ACVR1C: variants seen among roughly 807,000 people sequenced by gnomAD.
ACVR1C encodes activin receptor type-1C.
ACVR1C carries 23 observed loss-of-function variants against 57.9 expected under a neutral mutation model. The observed-to-expected ratio is 0.40, with a 90% confidence interval of 0.29 to 0.56. The LOEUF is 0.56. Ranked by LOEUF, ACVR1C falls within the 20% of genes least tolerant of loss-of-function variation. The pLI is 0.50. For synonymous variants in ACVR1C, 214 were observed against 215.3 expected, an observed-to-expected ratio of 0.99 and a Z score of 0.05; for missense variants, 480 against 607.9, an observed-to-expected ratio of 0.79 and a Z score of 2.21.
chr2:157,619,821 A>G lies in ACVR1C; in HGVS notation c.73+8751T>C, dbSNP rs563143618. On this transcript the variant is annotated intron_variant, in intron 1 of 8. Transcript: ENST00000243349. ...AAAGCTATTTATTTGCAAGAAGTCA[A>G]TAAAATTGATAAACCTCCGGCTAGA... is the stretch of plus-strand genomic sequence containing the variant. 5.9e-5 allele frequency among the ~76,000 whole-genome samples: 9 copies of G among 152,196 alleles called. No individual in the cohort carries two copies. The South Asian group carries it at 1.7e-3, about 28-fold the overall frequency.
rs1687250307 is a variant in ACVR1C at position 157,527,290 on chromosome 2, T to C, written c.*6628A>G. 1 of 152,224 alleles carries C rather than the reference T, an allele frequency of 6.6e-6. No homozygotes were observed. Among genetic ancestry groups the C allele is most frequent in the South Asian group, 2.1e-4 (1 of 4,824 alleles). 9.4% of individuals were successfully genotyped at this position (152,224 alleles called of 1,614,324 possible). On this transcript the variant is annotated 3_prime_UTR_variant, in exon 9 of 9. Coordinates refer to ENST00000243349, the MANE Select transcript of ACVR1C (RefSeq NM_145259.3). Reference sequence around the variant, plus strand: ...TATTTTTTCATATTCCTTCCTTATATACATTCCTTTGGGCCTGTCGGCTGA... The same window carrying C: ...TATTTTTTCATATTCCTTCCTTATACACATTCCTTTGGGCCTGTCGGCTGA...
intron 2 of ACVR1C, among the ~76,000 whole-genome samples, chr2:157,560,197 G>A (rs1380471009): frequency 6.6e-6 from 1 of 152,088 alleles, no homozygotes; most frequent in Admixed American, 6.5e-5. Flanking sequence ...CTTGCTTTAA[G>A]GAGAGCCTCA....
intron 2 of ACVR1C, among the ~76,000 whole-genome samples, chr2:157,580,032 ACCCCCTCTCTTCCC>A (rs1688749715): frequency 6.8e-6 from 1 of 147,952 alleles, no homozygotes; most frequent in Non-Finnish European, 1.5e-5. Flanking sequence ...TCTCTCACGC[ACCCCCTCTCTTCCC>A]CAACCCCCGT....
chr2:157,543,998 A>C (rs1049304016), intron 5 of ACVR1C, among the ~76,000 whole-genome samples: 3 of 149,390 alleles, frequency 2.0e-5, no homozygotes, highest in Non-Finnish European at 4.5e-5. Flanking sequence ...TCATGACAAT[A>C]CCTTTAGCTT....
In ACVR1C at chr2:157,542,743, T is replaced by C. The variant is rs35500979; in HGVS notation, c.1063A>G (p.Ile355Val). The C allele has an allele frequency of 1.3e-4, 204 of 1,613,926 alleles. No homozygotes were observed. The Middle Eastern group carries it at 4.6e-3, about 37-fold the overall frequency. ...ACTTTAGGATTCTGAGGTATGTCGA[T>C]AGTGTTCAGTATTGAATCATGCTTC... ...AVKHDSILNTIDIPQNPKVGT... is the reference protein window; with the variant it reads ...AVKHDSILNTVDIPQNPKVGT... Residue 355 changes from isoleucine (I) to valine (V), a missense_variant, in exon 6 of 9, where the codon ATC becomes GTC. By Grantham distance (29) the Ile-to-Val change is conservative. Coordinates refer to ENST00000243349, the MANE Select transcript of ACVR1C (RefSeq NM_145259.3).
chr2:157,610,483 A>G (rs1682507847), intron 1 of ACVR1C, among the ~76,000 whole-genome samples: 1 of 151,966 alleles, frequency 6.6e-6, no homozygotes, highest in Non-Finnish European at 1.5e-5. Flanking sequence ...TTTATCTTTG[A>G]TTTTACACAG....
chr2:157,560,657 G>C (rs1688212310), intron 2 of ACVR1C, among the ~76,000 whole-genome samples: 1 of 152,154 alleles, frequency 6.6e-6, no homozygotes, highest in Non-Finnish European at 1.5e-5. Flanking sequence ...TTTTTCATAG[G>C]AGGACCTGAC....
intron 2 of ACVR1C, 40 bp downstream of exon 2, chr2:157,587,146 AG>A: frequency 6.7e-7 from 1 of 1,499,980 alleles, no homozygotes; most frequent in Non-Finnish European, 9.3e-7. Context: ...GTTTCCCAAG[AG>A]TAAAATTAAA....
chr2:157,583,655 T>C (rs1259942020), intron 2 of ACVR1C, among the ~76,000 whole-genome samples: 2 of 152,186 alleles, frequency 1.3e-5, no homozygotes, highest in Non-Finnish European at 2.9e-5. Context: ...AGTTTGACGA[T>C]AGTATAAGGC....
At position 157,532,654 on chromosome 2, in the gene ACVR1C, T is replaced by C. The variant is rs1687384237; in HGVS notation, c.*1264A>G. 1 of 152,146 alleles carries C rather than the reference T, an allele frequency of 6.6e-6. No homozygotes were observed. Among genetic ancestry groups the C allele is most frequent in the Non-Finnish European group, 1.5e-5 (1 of 68,016 alleles). 9.4% of individuals were successfully genotyped at this position (152,146 alleles called of 1,614,324 possible). A position where few individuals can be genotyped will look rare whatever the true frequency, so the allele number is the denominator to read the frequency against. Reference sequence around the variant, plus strand: ...TTCATTACTCTGTGTCCACAGAAAGTAGAATGAAGGCAAAACTATCATGAG... The same window carrying C: ...TTCATTACTCTGTGTCCACAGAAAGCAGAATGAAGGCAAAACTATCATGAG... On this transcript the variant is annotated 3_prime_UTR_variant, in exon 9 of 9. Coordinates refer to ENST00000243349, the MANE Select transcript of ACVR1C (RefSeq NM_145259.3).
At chr2:157,610,578 C>T (rs1682509494) in intron 1 of ACVR1C, among the ~76,000 whole-genome samples, 1 of 152,126 alleles carries the variant, frequency 6.6e-6, no homozygotes, top group Non-Finnish European at 1.5e-5. Flanking sequence ...ATGTCTAAAT[C>T]TCTTGCTAGA....
chr2:157,591,939 A>G (rs985397275), intron 1 of ACVR1C, among the ~76,000 whole-genome samples: 6 of 152,118 alleles, frequency 3.9e-5, no homozygotes, highest in Non-Finnish European at 5.9e-5. Context: ...CTAAGGTGCC[A>G]TAAAGAAATG....
chr2:157,554,217 A>AAGAAAGAAAGAAAGAAAGAG (rs1558974869), intron 3 of ACVR1C, among the ~76,000 whole-genome samples: 9 of 104,434 alleles, frequency 8.6e-5, no homozygotes, highest in African/African-American at 1.4e-4. Context: ...GAAAGAAAGA[A>AAGAAAGAAAGAAAGAAAGAG]AGAAAGAAAG....
chr2:157,565,425 A>G (rs1397690601), intron 2 of ACVR1C, among the ~76,000 whole-genome samples: 2 of 152,132 alleles, frequency 1.3e-5, no homozygotes, highest in Non-Finnish European at 2.9e-5. Context: ...TTTCACCAAG[A>G]ATCATCCAAT....
chr2:157,542,596 G>T, intron 6 of ACVR1C, 110 bp downstream of exon 6: 1 of 1,248,026 alleles, frequency 8.0e-7, no homozygotes, highest in Non-Finnish European at 1.1e-6. Flanking sequence ...TGGATTTCTT[G>T]GGCCCAGTGG....
At chr2:157,565,467 T>C (rs1051735144) in intron 2 of ACVR1C, among the ~76,000 whole-genome samples, 6 of 152,140 alleles carry the variant, frequency 3.9e-5, no homozygotes, top group Admixed American at 1.3e-4. Flanking sequence ...CCCTCCAACA[T>C]GCTCCATTTG....
chr2:157,557,906 AAAG>A (rs1470752893), intron 2 of ACVR1C, among the ~76,000 whole-genome samples: 2 of 152,204 alleles, frequency 1.3e-5, no homozygotes, highest in Non-Finnish European at 2.9e-5. Context: ...TGTGTTTTTC[AAAG>A]AAGTTATTTT....
At chr2:157,549,137 C>T (rs550286292) in intron 4 of ACVR1C, among the ~76,000 whole-genome samples, 55 of 152,080 alleles carry the variant, frequency 3.6e-4, no homozygotes, top group African/African-American at 1.2e-3. Flanking sequence ...GGGTGGATAA[C>T]GAGGTCAGGA....
At position 157,548,901 on chromosome 2, in the gene ACVR1C, T is replaced by A. The variant is rs1294606572; in HGVS notation, c.775+1261A>T. ...AGTATTCTAATACAATCAAAAGAGATAATATTTTCAGAAAATTTGAGTCTT... is the reference window on the plus strand; with the variant it reads ...AGTATTCTAATACAATCAAAAGAGAAAATATTTTCAGAAAATTTGAGTCTT... On this transcript the variant is annotated intron_variant, in intron 4 of 8. Coordinates refer to ENST00000243349, the MANE Select transcript of ACVR1C (RefSeq NM_145259.3). Among the ~76,000 whole-genome samples, 6 of 152,334 alleles carry A rather than the reference T, an allele frequency of 3.9e-5. No homozygotes were observed. The East Asian group carries it at 1.2e-3, about 29-fold the overall frequency.
Sources: allele counts gnomAD v4.1 joint callset (sites outside exome capture counted in the v4.1 genomes callset), GRCh38; gene constraint gnomAD v4.1.1; transcripts MANE v1.5; gene names NCBI Gene and HGNC (gene_info 2026-07-23, HGNC 2026-07-21).